SFPQ: variants seen among roughly 807,000 people sequenced by gnomAD.
The protein encoded by SFPQ is splicing factor proline and glutamine rich, also known as splicing factor, proline- and glutamine-rich.
SFPQ carries 11 observed loss-of-function variants against 72.9 expected under a neutral mutation model. The ratio of observed to expected loss-of-function variants is 0.15; its 90% CI spans 0.09 to 0.25. The LOEUF (loss-of-function observed/expected upper bound fraction) is 0.25, where lower values mean the gene tolerates loss of function less well. Among genes scored for constraint, SFPQ ranks in the 10% least tolerant of loss-of-function variants. SFPQ has a pLI of 1.00. For synonymous variants in SFPQ, 506 were observed against 367.3 expected, an observed-to-expected ratio of 1.38 and a Z score of -4.32; for missense variants, 847 against 993.3, an observed-to-expected ratio of 0.85 and a Z score of 1.98.
At position 35,190,887 on chromosome 1, in the gene SFPQ, G is replaced by T; in HGVS notation, c.1126C>A (p.Arg376Ser). The T allele has an allele frequency of 1.2e-6, 2 of 1,614,146 alleles. No individual in the cohort carries two copies. Among genetic ancestry groups the T allele is most frequent in the Non-Finnish European group, 1.7e-6 (2 of 1,180,024 alleles). The stretch of plus-strand genomic sequence containing the variant: ...TTGGAAACATAAGGTGAAAGATTAC[G>T]AACAGAAAGGGCAGCAGCATGTGTG... ...FATHAAALSV[R>S]NLSPYVSNEL... The change falls in exon 3 of 10, where the codon CGT becomes AGT. Residue 376 changes from arginine to serine, a missense_variant. Arg to Ser is a moderately radical substitution (Grantham distance 110, BLOSUM62 -1). Around this residue, in one of 6 missense-constraint regions of SFPQ, gnomAD observed 132 missense variants for 255.4 expected, o/e 0.52. Transcript: ENST00000357214.
rs984291649 is a variant in SFPQ at position 35,190,628 on chromosome 1, C to T, written c.1320-35G>A. On this transcript the variant is annotated intron_variant, in intron 3 of 9. Coordinates refer to ENST00000357214, the MANE Select transcript of SFPQ (RefSeq NM_005066.3). ...AAAATGGTTCCATCTTAGCTTTGTT[C>T]CAGTTTTATTGCCACCATTCTCATA... 3.7e-6 allele frequency: 6 copies of T among 1,607,406 alleles called. No homozygotes were observed. The African/African-American group carries it at 4.0e-5, about 11-fold the overall frequency.
At chr1:35,182,443 A>G, downstream of SFPQ, 1 of 985,368 alleles carries the variant, frequency 1.0e-6, no homozygotes, top group Non-Finnish European at 1.2e-6. Context: ...CTTTCTAATG[A>G]GATTCTCTCC....
chr1:35,182,683 G>A (rs1158935130), downstream of SFPQ: 21 of 985,392 alleles, frequency 2.1e-5, no homozygotes, highest in Non-Finnish European at 2.4e-5. Context: ...GAGGTGAAAA[G>A]GAGGAAGACA....
chr1:35,182,606 C>G, downstream of SFPQ: 1 of 985,392 alleles, frequency 1.0e-6, no homozygotes, highest in South Asian at 4.7e-5. Flanking sequence ...AGGCACAATA[C>G]TAAACTTCAG....
At chr1:35,181,726 A>G (rs1052225142), downstream of SFPQ, 4 of 1,060,738 alleles carry the variant, frequency 3.8e-6, no homozygotes, top group African/African-American at 6.6e-5. Context: ...AATGGCTAAA[A>G]TACTTCAAAA....
At chr1:35,182,559 C>G (rs1015792394), downstream of SFPQ, 3 of 985,280 alleles carry the variant, frequency 3.0e-6, no homozygotes, top group Non-Finnish European at 3.6e-6. Context: ...GCAGAAAGTG[C>G]TCAGATTGTT....
At chr1:35,180,117 GAAGAA>G (rs917945077), downstream of SFPQ, 22 of 1,048,804 alleles carry the variant, frequency 2.1e-5, no homozygotes, top group African/African-American at 1.7e-4. Flanking sequence ...TTGATACACA[GAAGAA>G]AAGTCTCATA....
At position 35,187,220 on chromosome 1, in the gene SFPQ, C is replaced by A; in HGVS notation, c.1847G>T (p.Gly616Val). ...ACACTTACCTCCCATGTTCATTGCT[C>A]CTCCGCCACCCATTCGCATGTCTCT... ...RERDMRMGGG[G>V]AMNMGDPYGS... The change falls in exon 8 of 10, where the codon GGA (glycine) becomes GTA (valine). Residue 616 changes from glycine (G) to valine (V), a missense_variant. Transcript: ENST00000357214. 1 of 1,614,136 alleles carries A rather than the reference C, an allele frequency of 6.2e-7. No individual in the cohort carries two copies. The highest frequency in any genetic ancestry group is 1.1e-5 in the South Asian group (1 of 91,080).
chr1:35,180,843 T>G, downstream of SFPQ: 1 of 985,408 alleles, frequency 1.0e-6, no homozygotes, highest in Non-Finnish European at 1.2e-6. Flanking sequence ...ACCACTGATG[T>G]GTTCCATGTT....
At chr1:35,179,168 T>C, downstream of SFPQ, 2 of 1,060,274 alleles carry the variant, frequency 1.9e-6, no homozygotes, top group Non-Finnish European at 2.3e-6. Context: ...CTAAAACCTG[T>C]CCAAAATCAT....
Position 35,184,447 on chromosome 1 carries a change from A to G in SFPQ, c.*9T>C, listed in dbSNP as rs1424302196. ...AAAACAAACTGGAATGAAAGCCTAA[A>G]TATCACATCTAAAATCGGGGTTTTT... On this transcript the variant is annotated 3_prime_UTR_variant, in exon 10 of 10. Transcript: ENST00000357214. 1 of 1,604,628 alleles carries G rather than the reference A, an allele frequency of 6.2e-7. No individual in the cohort carries two copies. Among genetic ancestry groups the G allele is most frequent in the South Asian group, 1.1e-5 (1 of 88,834 alleles).
chr1:35,182,518 T>C (rs1255402509), downstream of SFPQ: 3 of 985,290 alleles, frequency 3.0e-6, no homozygotes, highest in African/African-American at 3.5e-5. Flanking sequence ...TATACACTAG[T>C]GTTTACTTTC....
In SFPQ at chr1:35,183,157, A is replaced by T. The variant is rs1238068570; in HGVS notation, c.*1299T>A. On this transcript the variant is annotated 3_prime_UTR_variant, in exon 10 of 10. Coordinates refer to ENST00000357214, the MANE Select transcript of SFPQ (RefSeq NM_005066.3). The stretch of plus-strand genomic sequence containing the variant: ...CCTATAGATTTTGCCCAACAGAAGT[A>T]GCACAAGGAGATGTAAAAGTTACAG... The T allele has an allele frequency of 9.8e-7, 1 of 1,024,732 alleles. No homozygotes were observed. Among genetic ancestry groups the T allele is most frequent in the Non-Finnish European group, 1.2e-6 (1 of 853,460 alleles). 63.5% of individuals were successfully genotyped at this position (1,024,732 alleles called of 1,614,324 possible). A position where few individuals can be genotyped will look rare whatever the true frequency, so the allele number is the denominator to read the frequency against.
At position 35,191,439 on chromosome 1, in the gene SFPQ, C is replaced by T. The variant is rs1639992135; in HGVS notation, c.919G>A (p.Asp307Asn). ...CTTTTGAATTCATCCTCCGTGATAT[C>T]AGCAGGTAGATTCCCAACAAACAAC... ...CRLFVGNLPA[D>N]ITEDEFKRLF... Residue 307 changes from aspartate (D) to asparagine (N), a missense_variant, in exon 2 of 10, where the codon GAT (aspartate) becomes AAT (asparagine). Asp to Asn is a conservative substitution (Grantham distance 23). Coordinates refer to ENST00000357214, the MANE Select transcript of SFPQ (RefSeq NM_005066.3). The T allele has an allele frequency of 4.3e-6, 7 of 1,613,990 alleles. No individual in the cohort carries two copies. The Admixed American group carries it at 1.2e-4, about 27-fold the overall frequency.
intron 6 of SFPQ, 74 bp downstream of exon 6, chr1:35,188,900 GTGGTGAGCTGAGACTGCACCACTGCACTC>G: frequency 1.2e-6 from 1 of 849,866 alleles, no homozygotes; most frequent in Non-Finnish European, 1.9e-6. Context: ...AGCGGAGGTT[GTGGTGAGCTGAGACTGCACCACTGCACTC>G]CAGCCCGGGC....
Position 35,183,513 on chromosome 1 carries a change from G to A in SFPQ, c.*943C>T, listed in dbSNP as rs968305859. The A allele has an allele frequency of 3.1e-5, 31 of 1,009,516 alleles. No individual in the cohort carries two copies. The highest frequency in any genetic ancestry group is 5.9e-5 in the Admixed American group (1 of 16,824). The allele number at this position is 1,009,516 out of a possible 1,614,324, so 62.5% of individuals were successfully genotyped here. On this transcript the variant is annotated 3_prime_UTR_variant, in exon 10 of 10. Transcript: ENST00000357214. ...ATTACAGGCGTGAGCCACCGCGCCC[G>A]GCCCAGTTACTAAACCTTCTTACTT...
downstream of SFPQ, chr1:35,178,617 A>T: frequency 9.5e-7 from 1 of 1,057,026 alleles, no homozygotes. Context: ...GCTATGCCTT[A>T]CTGGGACAGC....
chr1:35,183,683 C>A lies in SFPQ; in HGVS notation c.*773G>T. Reference sequence around the variant, plus strand: ...TTGAGATTTGTTGGTCTTTTAAAAACAAGAAATGGGGAAATGCAACAAAAT... The same window carrying A: ...TTGAGATTTGTTGGTCTTTTAAAAAAAAGAAATGGGGAAATGCAACAAAAT... On this transcript the variant is annotated 3_prime_UTR_variant, in exon 10 of 10. Transcript: ENST00000357214. 9.6e-7 allele frequency: 1 copy of A among 1,040,546 alleles called. No homozygotes were observed. The highest frequency in any genetic ancestry group is 1.7e-5 in the African/African-American group (1 of 59,710). The allele number at this position is 1,040,546 out of a possible 1,614,324, so 64.5% of individuals were successfully genotyped here.
In SFPQ at chr1:35,190,876, T is replaced by C. The variant is rs1333457327; in HGVS notation, c.1137A>G (p.Ser379=). ...CCAACAGTTCATTGGAAACATAAGGTGAAAGATTACGAACAGAAAGGGCAG... is the reference window on the plus strand; with the variant it reads ...CCAACAGTTCATTGGAAACATAAGGCGAAAGATTACGAACAGAAAGGGCAG... ...HAAALSVRNL[S]PYVSNELLEE... The change falls in exon 3 of 10, where the codon TCA becomes TCG. Residue 379 remains serine (S), a synonymous_variant. Coordinates refer to ENST00000357214, the MANE Select transcript of SFPQ (RefSeq NM_005066.3). The C allele has an allele frequency of 1.2e-6, 2 of 1,613,970 alleles. No individual in the cohort carries two copies. The highest frequency in any genetic ancestry group is 2.7e-5 in the African/African-American group (2 of 74,876).
Sources: gnomAD v4.1 joint callset for allele counts on GRCh38, gnomAD v4.1.1 for gene constraint, gnomAD v4.1.1 regional missense constraint, MANE v1.5 for transcripts, NCBI Gene and HGNC (gene_info 2026-07-23, HGNC 2026-07-21) for gene names.